The following THSD4 variants were observed in gnomAD, a reference collection of about 807,000 sequenced individuals.
THSD4 encodes thrombospondin type 1 domain containing 4.
THSD4 carries 69 observed loss-of-function variants against 119.0 expected under a neutral mutation model. The ratio of observed to expected loss-of-function variants is 0.58; its 90% CI spans 0.48 to 0.71. The LOEUF (loss-of-function observed/expected upper bound fraction) is 0.71. THSD4 is among the 30% of genes least tolerant of loss of function. The pLI, the probability that THSD4 is intolerant of heterozygous loss-of-function variation, is 0.00. For synonymous variants in THSD4, 524 were observed against 540.4 expected (o/e 0.97, Z 0.42); for missense variants, 1,393 against 1,391.1 (o/e 1.00, Z -0.02).
chr15:71,411,551 G>T, intron 6 of THSD4, 136 bp from the exon 7 acceptor site: 1 of 910,204 alleles, frequency 1.1e-6, no homozygotes, highest in Non-Finnish European at 1.6e-6. Flanking sequence ...CTGTATAGTT[G>T]GTTAAAATGC....
chr15:71,566,788 C>A (rs1179784180), intron 7 of THSD4, among the ~76,000 whole-genome samples: 4 of 151,438 alleles, frequency 2.6e-5, no homozygotes, highest in Non-Finnish European at 5.9e-5. Flanking sequence ...TTGGTCATCA[C>A]CTTGAGAGAT....
intron 7 of THSD4, among the ~76,000 whole-genome samples, chr15:71,611,717 C>G (rs1328494317): frequency 2.6e-5 from 4 of 152,200 alleles, no homozygotes; most frequent in African/African-American, 9.7e-5. Flanking sequence ...CATGACATTT[C>G]AGTTGGAAAT....
At chr15:71,155,084 C>G in intron 3 of THSD4, 152 bp downstream of exon 3, 4 of 713,436 alleles carry the variant, frequency 5.6e-6, no homozygotes, top group Non-Finnish European at 9.5e-6. Context: ...CTATTCTGTT[C>G]TCACATTGCT....
intron 2 of THSD4, among the ~76,000 whole-genome samples, chr15:71,151,755 G>T (rs1215532661): frequency 6.6e-6 from 1 of 152,164 alleles, no homozygotes; most frequent in Non-Finnish European, 1.5e-5. Context: ...GACATCTTGG[G>T]CAATATTTCC....
chr15:71,172,690 T>TATAC (rs2043384870), intron 3 of THSD4, among the ~76,000 whole-genome samples: 4 of 47,076 alleles, frequency 8.5e-5, no homozygotes, highest in African/African-American at 4.9e-4. Flanking sequence ...TACATATATA[T>TATAC]ATATATATAT....
chr15:71,154,689 A>G (rs959114321), intron 2 of THSD4, among the ~76,000 whole-genome samples, 174 bp from the exon 3 acceptor site: 1 of 152,154 alleles, frequency 6.6e-6, no homozygotes, highest in East Asian at 1.9e-4. Flanking sequence ...CCACAGCACC[A>G]TGCTGCCTCC....
At chr15:71,338,430 C>T (rs906754412) in intron 6 of THSD4, among the ~76,000 whole-genome samples, 1 of 152,064 alleles carries the variant, frequency 6.6e-6, no homozygotes, top group African/African-American at 2.4e-5. Context: ...AGTTCATACT[C>T]GCGCGTGGAT....
chr15:71,146,150 TAAC>T (rs2040658565), intron 2 of THSD4, among the ~76,000 whole-genome samples: 1 of 152,136 alleles, frequency 6.6e-6, no homozygotes, highest in Non-Finnish European at 1.5e-5. Flanking sequence ...ATCAAACAAA[TAAC>T]ACACACACAC....
intron 7 of THSD4, among the ~76,000 whole-genome samples, chr15:71,432,150 G>A (rs1365688637): frequency 6.6e-6 from 1 of 152,030 alleles, no homozygotes; most frequent in Non-Finnish European, 1.5e-5. Context: ...TATAACTCAA[G>A]GAAAACTAAA....
chr15:71,239,652 G>A (rs755684059), intron 4 of THSD4, among the ~76,000 whole-genome samples: 6 of 152,160 alleles, frequency 3.9e-5, no homozygotes, highest in African/African-American at 7.2e-5. Context: ...AGACTAAGCC[G>A]AACTACTCAA....
intron 7 of THSD4, among the ~76,000 whole-genome samples, chr15:71,543,291 G>C (rs537916091): frequency 3.3e-4 from 50 of 152,308 alleles, no homozygotes; most frequent in African/African-American, 1.2e-3. Context: ...AGAGTGACAT[G>C]ATTGGAGTCA....
intron 7 of THSD4, among the ~76,000 whole-genome samples, chr15:71,579,064 C>G (rs1248928354): frequency 6.6e-6 from 1 of 151,746 alleles, no homozygotes; most frequent in Non-Finnish European, 1.5e-5. Context: ...AGGATAGTCT[C>G]GATCTCCTGA....
chr15:71,744,585 G>T (rs920341508), intron 11 of THSD4, among the ~76,000 whole-genome samples: 1 of 152,096 alleles, frequency 6.6e-6, no homozygotes, highest in African/African-American at 2.4e-5. Context: ...AGTTTGTCAG[G>T]CAGGTACTTT....
At chr15:71,641,826 A>C (rs2050864161) in intron 7 of THSD4, among the ~76,000 whole-genome samples, 1 of 145,780 alleles carries the variant, frequency 6.9e-6, no homozygotes, top group East Asian at 2.1e-4. Flanking sequence ...AAGAAACTGT[A>C]AAAAAAAAAA....
At chr15:71,355,460 A>G (rs989615906) in intron 6 of THSD4, among the ~76,000 whole-genome samples, 1 of 152,184 alleles carries the variant, frequency 6.6e-6, no homozygotes, top group East Asian at 1.9e-4. Flanking sequence ...CTCCAAAAGA[A>G]TGTCTCTCAG....
chr15:71,680,002 G>T (rs543364638), intron 8 of THSD4, among the ~76,000 whole-genome samples: 1 of 152,296 alleles, frequency 6.6e-6, no homozygotes, highest in South Asian at 2.1e-4. Flanking sequence ...TATGATAGAA[G>T]AACGTAATAC....
rs145842380 is a variant in THSD4, at chr15:71,656,373, A to G, written c.1153-4157A>G. On this transcript the variant is annotated intron_variant, in intron 7 of 17. Coordinates refer to ENST00000261862, the MANE Select transcript of THSD4 (RefSeq NM_024817.3). ...TTCTTATGAGTCTTACACTATTTCA[A>G]AATAAAACATTATAACAATAAGAAA... Among the ~76,000 whole-genome samples, 234 of 152,334 alleles carry G rather than the reference A, an allele frequency of 1.5e-3. 2 individuals carry two copies. Among genetic ancestry groups the G allele is most frequent in the African/African-American group, 5.2e-3 (218 of 41,578 alleles).
intron 7 of THSD4, among the ~76,000 whole-genome samples, chr15:71,558,470 TAGTC>T (rs2049057660): frequency 6.6e-6 from 1 of 152,188 alleles, no homozygotes; most frequent in South Asian, 2.1e-4. Context: ...TTTTTATTAT[TAGTC>T]AGTTTTAAGG....
Position 71,224,151 on chromosome 15 carries a change from C to T in THSD4, c.464+8752C>T, listed in dbSNP as rs529872955. Among the ~76,000 whole-genome samples, 3 of 152,216 alleles carry T rather than the reference C, an allele frequency of 2.0e-5. No homozygotes were observed. The East Asian group carries it at 5.8e-4, about 29-fold the overall frequency. On this transcript the variant is annotated intron_variant, in intron 4 of 17. Transcript: ENST00000261862. ...GTGAGGAGGGCCTTCCTGCAAAGAG[C>T]AAATGGTCAGGGTGGAGACCTGGAG...
Sources: gnomAD v4.1 joint callset for allele counts (sites outside exome capture counted in the v4.1 genomes callset) on GRCh38, gnomAD v4.1.1 for gene constraint, MANE v1.5 for transcripts, NCBI Gene and HGNC (gene_info 2026-07-23, HGNC 2026-07-21) for gene names.